The following RGS6 variants were observed in gnomAD, a reference collection of about 807,000 sequenced individuals.
The protein encoded by RGS6 is regulator of G-protein signaling 6.
Under a neutral mutation model 78.5 loss-of-function variants are expected in RGS6, and 30 were observed. The ratio of observed to expected loss-of-function variants is 0.38; its 90% CI spans 0.29 to 0.52. The LOEUF (loss-of-function observed/expected upper bound fraction) is 0.52, where lower values mean the gene tolerates loss of function less well. RGS6 is among the 20% of genes least tolerant of loss of function. The probability of loss-of-function intolerance (pLI) is 0.85; values close to 1 mark genes in which losing one functional copy is unlikely to be tolerated. For missense variants in RGS6, 495 were observed against 609.7 expected (o/e 0.81, Z 1.98); for synonymous variants, 206 against 206.0 (o/e 1.00, Z 0.00).
intron 13 of RGS6, among the ~76,000 whole-genome samples, chr14:72,501,178 G>A (rs746488709): frequency 4.0e-4 from 61 of 152,224 alleles, no homozygotes; most frequent in Non-Finnish European, 6.8e-4. Context: ...GGATGTCACC[G>A]ACAATGTCTA....
intron 2 of RGS6, among the ~76,000 whole-genome samples, chr14:72,019,985 G>C (rs1454969140): frequency 1.3e-5 from 2 of 152,212 alleles, no homozygotes; most frequent in African/African-American, 4.8e-5. Flanking sequence ...CAGCCTCTCT[G>C]AGCCCTGACC....
chr14:72,117,412 C>T (rs1027312535), intron 2 of RGS6, among the ~76,000 whole-genome samples: 3 of 151,996 alleles, frequency 2.0e-5, no homozygotes, highest in Admixed American at 2.0e-4. Flanking sequence ...CCAGCTCTCC[C>T]CATGTGATGC....
rs2088034725 is a variant in RGS6, at chr14:71,932,753, C to T, written c.-209C>T. Reference sequence around the variant, plus strand: ...GCCCCTGCGCTCGCCACCACGGAAACTCGGAAAGAGGAGGCGAGGCTGTGG... The same window carrying T: ...GCCCCTGCGCTCGCCACCACGGAAATTCGGAAAGAGGAGGCGAGGCTGTGG... On this transcript the variant is annotated 5_prime_UTR_variant, in exon 1 of 18. Transcript: ENST00000553525. 1 of 152,246 alleles carries T rather than the reference C, an allele frequency of 6.6e-6. No individual in the cohort carries two copies. Among genetic ancestry groups the T allele is most frequent in the Non-Finnish European group, 1.5e-5 (1 of 68,078 alleles). 9.4% of individuals were successfully genotyped at this position (152,246 alleles called of 1,614,324 possible). A position where few individuals can be genotyped will look rare whatever the true frequency, so the allele number is the denominator to read the frequency against.
At chr14:72,487,002 C>T (rs2096498700) in intron 12 of RGS6, among the ~76,000 whole-genome samples, 1 of 152,130 alleles carries the variant, frequency 6.6e-6, no homozygotes, top group African/African-American at 2.4e-5. Flanking sequence ...CTGCTACTCT[C>T]TCTGGGAAGG....
intron 14 of RGS6, among the ~76,000 whole-genome samples, chr14:72,511,349 C>T (rs1247791107): frequency 6.6e-6 from 1 of 152,220 alleles, no homozygotes; most frequent in African/African-American, 2.4e-5. Flanking sequence ...AACATCCATG[C>T]ACTTATTTGA....
chr14:72,339,674 C>T (rs1449972252), intron 2 of RGS6, among the ~76,000 whole-genome samples: 1 of 152,094 alleles, frequency 6.6e-6, no homozygotes, highest in Non-Finnish European at 1.5e-5. Flanking sequence ...ATGATGGTCT[C>T]TGGGCAGTCA....
At chr14:72,179,362 T>C (rs2097145341) in intron 2 of RGS6, among the ~76,000 whole-genome samples, 1 of 152,212 alleles carries the variant, frequency 6.6e-6, no homozygotes, top group Non-Finnish European at 1.5e-5. Context: ...CAACAATTTC[T>C]AGCCGGTCTC....
chr14:72,418,642 T>TAG (rs1170749902), intron 3 of RGS6, among the ~76,000 whole-genome samples: 2 of 152,214 alleles, frequency 1.3e-5, no homozygotes. Flanking sequence ...AGCTCTAACC[T>TAG]AGAGAGAGAA....
At chr14:72,545,744 G>A (rs1456902360) in intron 17 of RGS6, among the ~76,000 whole-genome samples, 1 of 152,112 alleles carries the variant, frequency 6.6e-6, no homozygotes, top group African/African-American at 2.4e-5. Context: ...GAGTGCCCCA[G>A]GCTCCCCACA....
intron 2 of RGS6, among the ~76,000 whole-genome samples, chr14:72,091,567 A>G (rs1006552764): frequency 2.0e-5 from 3 of 152,114 alleles, no homozygotes; most frequent in Admixed American, 1.3e-4. Context: ...TTTTAAATAT[A>G]TTGGAATCCA....
intron 2 of RGS6, among the ~76,000 whole-genome samples, chr14:72,152,769 A>G (rs968118170): frequency 9.9e-5 from 15 of 152,278 alleles, no homozygotes; most frequent in Admixed American, 2.0e-4. Flanking sequence ...GAGCTATAAA[A>G]TGTCCTGTGA....
the RGS6 span, among the ~76,000 whole-genome samples, chr14:72,618,621 C>T: frequency 6.6e-6 from 1 of 152,160 alleles, no homozygotes; most frequent in Non-Finnish European, 1.5e-5. Flanking sequence ...ACAATGTTTC[C>T]TCCCATGTCT....
At chr14:71,878,526 G>A in the RGS6 span, among the ~76,000 whole-genome samples, 276 of 152,302 alleles carry the variant, frequency 1.8e-3, 6 homozygotes, top group East Asian at 0.041. Flanking sequence ...TGCTAAGACC[G>A]TTGGAAAAGC....
chr14:72,496,292 A>G lies in RGS6; in HGVS notation c.965+1030A>G, dbSNP rs1028711748. On this transcript the variant is annotated intron_variant, in intron 13 of 17. Coordinates refer to ENST00000553525, the MANE Select transcript of RGS6 (RefSeq NM_001204424.2). ...CACAGAGTTACCACTGGATAGTCCA[A>G]ATTTTTTATGGAAACACAGCGATGG... Among the ~76,000 whole-genome samples the G allele has an allele frequency of 1.2e-4, 19 of 152,214 alleles. 1 individual carries two copies. Among genetic ancestry groups the G allele is most frequent in the Admixed American group, 1.2e-3 (18 of 15,286 alleles).
intron 6 of RGS6, among the ~76,000 whole-genome samples, chr14:72,464,226 ACT>A (rs2095847494): frequency 6.6e-6 from 1 of 152,032 alleles, no homozygotes; most frequent in African/African-American, 2.4e-5. Context: ...GCCTTAGCTA[ACT>A]CTCCTTCATT....
At chr14:72,587,008 A>G in the RGS6 span, among the ~76,000 whole-genome samples, 5 of 152,164 alleles carry the variant, frequency 3.3e-5, no homozygotes, top group Admixed American at 2.6e-4. Context: ...GACAGATTGA[A>G]TCATCATACC....
At chr14:72,630,007 A>G in the RGS6 span, among the ~76,000 whole-genome samples, 1 of 152,206 alleles carries the variant, frequency 6.6e-6, no homozygotes, top group African/African-American at 2.4e-5. Context: ...TGAAGATGGA[A>G]AACAATGATC....
chr14:72,170,236 T>C (rs2096992744), intron 2 of RGS6, among the ~76,000 whole-genome samples: 1 of 152,242 alleles, frequency 6.6e-6, no homozygotes, highest in African/African-American at 2.4e-5. Context: ...GATCATATTG[T>C]ACCTACAATG....
intron 2 of RGS6, among the ~76,000 whole-genome samples, chr14:72,153,867 T>C (rs1014773827): frequency 1.3e-5 from 2 of 152,172 alleles, no homozygotes; most frequent in African/African-American, 4.8e-5. Context: ...ATTATCTTGA[T>C]AAACATCTTA....
Sources: gnomAD v4.1 joint callset for allele counts (sites outside exome capture counted in the v4.1 genomes callset) on GRCh38, gnomAD v4.1.1 for gene constraint, MANE v1.5 for transcripts, NCBI Gene and HGNC (gene_info 2026-07-23, HGNC 2026-07-21) for gene names.